Variants in NCOR2 observed in about 807,000 individuals in gnomAD.
The protein encoded by NCOR2 is CTG repeat protein 26.
A neutral mutation model predicts 262.9 loss-of-function variants in NCOR2; 81 were observed. The observed-to-expected ratio is 0.31, with a 90% CI of 0.26 to 0.37. NCOR2 has a LOEUF of 0.37. Ranked by LOEUF, NCOR2 falls within the 10% of genes least tolerant of loss-of-function variation. The pLI is 1.00. For missense variants in NCOR2, 3,385 were observed against 3,621.4 expected, an observed-to-expected ratio of 0.93 and a Z score of 1.68; for synonymous variants, 1,659 against 1,559.3, an observed-to-expected ratio of 1.06 and a Z score of -1.51.
chr12:124,467,045 C>T (rs1593672685), intron 4 of NCOR2, among the ~76,000 whole-genome samples: 1 of 129,964 alleles, frequency 7.7e-6, no homozygotes, highest in Non-Finnish European at 1.6e-5. Flanking sequence ...TCCTCACTAC[C>T]CCCATGATCC....
intron 30 of NCOR2, among the ~76,000 whole-genome samples, chr12:124,347,083 C>T (rs954237341): frequency 6.6e-6 from 1 of 152,226 alleles, no homozygotes; most frequent in Non-Finnish European, 1.5e-5. Flanking sequence ...AAGCTAAAAC[C>T]ACAGGCTGGG....
At chr12:124,343,284 G>A in intron 32 of NCOR2, 58 bp from the exon 35 acceptor site, 1 of 1,482,312 alleles carries the variant, frequency 6.7e-7, no homozygotes, top group Non-Finnish European at 9.2e-7. Flanking sequence ...ACGGGGAGTT[G>A]TTTGAGGATA....
intron 17 of NCOR2, among the ~76,000 whole-genome samples, chr12:124,384,246 G>C (rs983517249): frequency 9.9e-5 from 15 of 152,226 alleles, no homozygotes; most frequent in Admixed American, 6.5e-5. Context: ...GGCTGCTCTG[G>C]CTCAGGCCCT....
Position 124,343,236 on chromosome 12 carries a change from G to A in NCOR2, c.4715-10C>T. ...CTGGACGAAAGGCTGCCTGTGGACG[G>A]GCAAGGTGGATGCATCGGGCCTCTG... is the stretch of plus-strand genomic sequence containing the variant. On this transcript the variant is annotated splice_polypyrimidine_tract_variant and intron_variant, in intron 32 of 46. Transcript: ENST00000405201. The A allele has an allele frequency of 6.2e-7, 1 of 1,606,688 alleles. No individual in the cohort carries two copies. The highest frequency in any genetic ancestry group is 8.5e-7 in the Non-Finnish European group (1 of 1,175,876).
In NCOR2 at chr12:124,355,855, C is replaced by T. The variant is rs79133414; in HGVS notation, c.3242-284G>A. 3.5e-3 allele frequency among the ~76,000 whole-genome samples: 538 copies of T among 152,278 alleles called. 5 individuals carry two copies. The highest frequency in any genetic ancestry group is 0.012 in the African/African-American group (505 of 41,562). On this transcript the variant is annotated intron_variant, in intron 23 of 46. Coordinates refer to ENST00000405201, the Ensembl canonical transcript of NCOR2. ...CCCTGTCTCCCCATTTCCACTGTAG[C>T]CCCCAGTAGCCCCTTCCCCTTATAG... is the stretch of plus-strand genomic sequence containing the variant.
chr12:124,335,769 C>A, intron 38 of NCOR2, 137 bp from the exon 41 acceptor site: 1 of 984,404 alleles, frequency 1.0e-6, no homozygotes, highest in South Asian at 1.7e-5. Context: ...TTTGGGCTCC[C>A]AAAGACAGTA....
intron 17 of NCOR2, among the ~76,000 whole-genome samples, chr12:124,380,972 A>G (rs554121832): frequency 2.0e-5 from 3 of 152,248 alleles, no homozygotes; most frequent in East Asian, 1.9e-4. Context: ...ATTATGCCTG[A>G]CGTTTATTAA....
At chr12:124,506,324 G>A (rs1434984740) in intron 1 of NCOR2, among the ~76,000 whole-genome samples, 1 of 151,356 alleles carries the variant, frequency 6.6e-6, no homozygotes, top group African/African-American at 2.4e-5. Flanking sequence ...CCCGCCCTCA[G>A]TGAACAGAAA....
chr12:124,358,183 T>G (rs1374188758), intron 22 of NCOR2, among the ~76,000 whole-genome samples: 6 of 143,212 alleles, frequency 4.2e-5, no homozygotes, highest in African/African-American at 1.6e-4. Flanking sequence ...TTGAAGGAGA[T>G]AACCTGTGAT....
At chr12:124,511,361 C>G (rs1469449350) in intron 1 of NCOR2, among the ~76,000 whole-genome samples, 1 of 152,254 alleles carries the variant, frequency 6.6e-6, no homozygotes, top group African/African-American at 2.4e-5. Flanking sequence ...GTAAGGCCGT[C>G]AGTGCCACTA....
chr12:124,386,990 G>T (rs2040853472), intron 16 of NCOR2, among the ~76,000 whole-genome samples: 2 of 152,268 alleles, frequency 1.3e-5, no homozygotes, highest in Admixed American at 1.3e-4. Context: ...TGCCCCTCCA[G>T]GGCAGCAGGC....
At position 124,350,651 on chromosome 12, in the gene NCOR2, C is replaced by T. The variant is rs755328934; in HGVS notation, c.3780G>A (p.Glu1260=). Reference sequence around the variant, plus strand: ...TGACGTGGCCCTTGGGCAGGCTGTCCTCCCGGCCGCGGTCCAAGCGACTCG... The same window carrying T: ...TGACGTGGCCCTTGGGCAGGCTGTCTTCCCGGCCGCGGTCCAAGCGACTCG... The change falls in exon 28 of 47, where the codon GAG becomes GAA. Residue 1260 remains glutamate (E), a synonymous_variant. Coordinates refer to ENST00000405201, the Ensembl canonical transcript of NCOR2. The T allele has an allele frequency of 1.3e-5, 21 of 1,613,940 alleles. No individual in the cohort carries two copies. In the Middle Eastern group the frequency reaches 4.9e-4, roughly 38 times the overall value.
rs149840504 is a variant in NCOR2, at chr12:124,430,217, G to C, written c.1055+398C>G. On this transcript the variant is annotated intron_variant, in intron 9 of 46. Transcript: ENST00000405201. Reference sequence around the variant, plus strand: ...ATAGAACCACAGCTGCCTGTCACCAGGCACCTCTCAGATGGGGCCCACCCA... The same window carrying C: ...ATAGAACCACAGCTGCCTGTCACCACGCACCTCTCAGATGGGGCCCACCCA... Among the ~76,000 whole-genome samples the C allele has an allele frequency of 5.0e-4, 76 of 152,262 alleles. 2 individuals carry two copies. The East Asian group carries it at 0.015, about 29-fold the overall frequency.
intron 1 of NCOR2, among the ~76,000 whole-genome samples, chr12:124,558,457 T>C (rs2051958305): frequency 6.6e-6 from 1 of 152,188 alleles, no homozygotes; most frequent in Non-Finnish European, 1.5e-5. Context: ...CTCTAGCTGC[T>C]GTGGCTCCAC....
At chr12:124,344,545 G>A in intron 32 of NCOR2, 52 bp downstream of exon 34, 4 of 1,390,626 alleles carry the variant, frequency 2.9e-6, no homozygotes, top group Non-Finnish European at 2.8e-6. Flanking sequence ...GGGAGGCACA[G>A]CTTCTCCAGA....
At chr12:124,447,675 TTTTCTTTCTTTTTTC>T (rs1447131511) in intron 7 of NCOR2, among the ~76,000 whole-genome samples, 3 of 151,862 alleles carry the variant, frequency 2.0e-5, no homozygotes, top group Non-Finnish European at 2.9e-5. Flanking sequence ...TTCGCTGGTA[TTTTCTTTCTTTTTTC>T]TTTCTTTCTT....
At chr12:124,384,863 G>A (rs1290214056) in intron 17 of NCOR2, among the ~76,000 whole-genome samples, 1 of 152,120 alleles carries the variant, frequency 6.6e-6, no homozygotes, top group Non-Finnish European at 1.5e-5. Flanking sequence ...CCCTCCCTCA[G>A]TGCTTCTGTA....
intron 1 of NCOR2, among the ~76,000 whole-genome samples, chr12:124,563,421 C>G (rs1362488935): frequency 6.6e-6 from 1 of 152,226 alleles, no homozygotes; most frequent in African/African-American, 2.4e-5. Context: ...TAAGTTCATT[C>G]ATCATAAGCA....
chr12:124,409,402 G>C (rs745670033), intron 13 of NCOR2, among the ~76,000 whole-genome samples: 6 of 152,210 alleles, frequency 3.9e-5, no homozygotes, highest in Non-Finnish European at 7.3e-5. Context: ...TGCCTGGCCA[G>C]TCCCTTCTTA....
Sources: allele counts gnomAD v4.1 joint callset (sites outside exome capture counted in the v4.1 genomes callset), GRCh38; gene constraint gnomAD v4.1.1; transcripts MANE v1.5; gene names NCBI Gene and HGNC (gene_info 2026-07-23, HGNC 2026-07-21).